Variants in TRIM24 observed in about 807,000 individuals in gnomAD.
TRIM24 encodes tripartite motif containing 24.
TRIM24 carries 29 observed loss-of-function variants against 123.9 expected under a neutral mutation model. The observed-to-expected ratio is 0.23, with a 90% CI of 0.17 to 0.32. The LOEUF is 0.32. Ranked by LOEUF, TRIM24 falls within the 10% of genes least tolerant of loss-of-function variation. The pLI is 1.00. For synonymous variants in TRIM24, 456 were observed against 461.1 expected, an observed-to-expected ratio of 0.99 and a Z score of 0.14; for missense variants, 932 against 1,295.3, an observed-to-expected ratio of 0.72 and a Z score of 4.31.
chr7:138,526,145 T>C (rs574344333), intron 5 of TRIM24, among the ~76,000 whole-genome samples: 3 of 152,338 alleles, frequency 2.0e-5, no homozygotes, highest in Admixed American at 2.0e-4. Flanking sequence ...AAAAGAGACC[T>C]CACAGAGAAT....
chr7:138,567,334 C>T (rs1409553421), intron 9 of TRIM24, 147 bp from the exon 10 acceptor site: 3 of 681,422 alleles, frequency 4.4e-6, no homozygotes, highest in Non-Finnish European at 6.5e-6. Flanking sequence ...GCCCATCCCC[C>T]ACCCCTCATT....
rs1039615120 is a variant in TRIM24, at chr7:138,585,583, A to G, written c.*632A>G. The G allele has an allele frequency of 1.9e-5, 6 of 316,028 alleles. No individual in the cohort carries two copies. In the Admixed American group the frequency reaches 3.1e-4, roughly 17 times the overall value. 19.6% of individuals were successfully genotyped at this position (316,028 alleles called of 1,614,324 possible). A position where few individuals can be genotyped will look rare whatever the true frequency, so the allele number is the denominator to read the frequency against. On this transcript the variant is annotated 3_prime_UTR_variant, in exon 19 of 19. Transcript: ENST00000343526. ...AACTGTATTAAAGAAAAATCCGGAAAACAAATGTTTGATTTTTGTTTTTGT... is the reference window on the plus strand; with the variant it reads ...AACTGTATTAAAGAAAAATCCGGAAGACAAATGTTTGATTTTTGTTTTTGT...
At chr7:138,528,964 C>A in intron 5 of TRIM24, 152 bp from the exon 6 acceptor site, 1 of 377,418 alleles carries the variant, frequency 2.6e-6, no homozygotes, top group Non-Finnish European at 4.9e-6. Context: ...TTTCTGCTGT[C>A]TCATCTTCAA....
At chr7:138,464,676 A>G (rs1413471473) in intron 1 of TRIM24, among the ~76,000 whole-genome samples, 1 of 152,164 alleles carries the variant, frequency 6.6e-6, no homozygotes, top group Non-Finnish European at 1.5e-5. Flanking sequence ...ACACACACAC[A>G]ATTAATTTAT....
intron 1 of TRIM24, among the ~76,000 whole-genome samples, chr7:138,464,500 C>A (rs755135899): frequency 5.1e-4 from 78 of 151,916 alleles, no homozygotes; most frequent in Admixed American, 1.4e-3. Context: ...GGGGCAGACT[C>A]TTCTTAGCTA....
chr7:138,472,974 C>G (rs989847881), intron 1 of TRIM24, among the ~76,000 whole-genome samples: 1 of 152,082 alleles, frequency 6.6e-6, no homozygotes, highest in Non-Finnish European at 1.5e-5. Flanking sequence ...CAATCCCTTA[C>G]GATGGTTAAT....
At chr7:138,487,068 G>C (rs1795663788) in intron 1 of TRIM24, among the ~76,000 whole-genome samples, 1 of 152,120 alleles carries the variant, frequency 6.6e-6, no homozygotes. Context: ...CTTGTAAGTT[G>C]GATTCCTAGG....
intron 1 of TRIM24, among the ~76,000 whole-genome samples, chr7:138,487,088 C>G (rs1469316046): frequency 1.3e-5 from 2 of 152,096 alleles, no homozygotes; most frequent in African/African-American, 4.8e-5. Context: ...GTATTTTATT[C>G]TCTTTGAAGC....
intron 8 of TRIM24, among the ~76,000 whole-genome samples, chr7:138,553,907 A>G (rs887236422): frequency 7.2e-5 from 11 of 152,162 alleles, no homozygotes; most frequent in Non-Finnish European, 1.5e-4. Context: ...TGAATGAGAC[A>G]CAGGGCTTAT....
chr7:138,553,402 C>G (rs983174276), intron 8 of TRIM24, among the ~76,000 whole-genome samples: 1 of 152,088 alleles, frequency 6.6e-6, no homozygotes, highest in Non-Finnish European at 1.5e-5. Context: ...ATTGTTTCTT[C>G]TAAACATACA....
chr7:138,464,224 C>T (rs927891091), intron 1 of TRIM24, among the ~76,000 whole-genome samples: 2 of 151,638 alleles, frequency 1.3e-5, no homozygotes, highest in Non-Finnish European at 2.9e-5. Flanking sequence ...TCTCGATCTC[C>T]TGACCTTGTG....
chr7:138,504,444 GCTCTTTTTTTTT>G, intron 2 of TRIM24, 36 bp downstream of exon 2: 18 of 623,868 alleles, frequency 2.9e-5, no homozygotes, highest in Admixed American at 1.4e-4. Context: ...TTGCCTGCCA[GCTCTTTTTTTTT>G]TTTTTTTTTT....
Position 138,554,851 on chromosome 7 carries a change from A to G in TRIM24, c.1415A>G (p.His472Arg). The G allele has an allele frequency of 6.2e-7, 1 of 1,614,190 alleles. No individual in the cohort carries two copies. Among genetic ancestry groups the G allele is most frequent in the Non-Finnish European group, 8.5e-7 (1 of 1,180,012 alleles). Reference protein sequence around the residue: ...QISLAQLRLQHMQQQVMAQRQ... With the variant: ...QISLAQLRLQRMQQQVMAQRQ... ...AGCCTAGCTCAATTACGGCTCCAGCATATGCAGCAACAGGTAATGGCTCAG... is the reference window on the plus strand; with the variant it reads ...AGCCTAGCTCAATTACGGCTCCAGCGTATGCAGCAACAGGTAATGGCTCAG... The change falls in exon 9 of 19, where the codon CAT (histidine) becomes CGT (arginine). Residue 472 changes from histidine (H) to arginine (R), a missense_variant. This residue lies in a region of TRIM24 where 527 missense variants were observed against 691.3 expected (regional missense o/e 0.76). Coordinates refer to ENST00000343526, the MANE Select transcript of TRIM24 (RefSeq NM_015905.3). This position sits in a 1 kb window ranked among gnomAD's most constrained non-coding sequence, Gnocchi z 4.5.
intron 6 of TRIM24, among the ~76,000 whole-genome samples, chr7:138,538,234 A>G (rs187949955): frequency 1.1e-3 from 168 of 152,344 alleles, no homozygotes; most frequent in South Asian, 2.3e-3. Flanking sequence ...TGCAATTCCA[A>G]CTGTTAAATA....
intron 6 of TRIM24, among the ~76,000 whole-genome samples, chr7:138,532,983 T>C (rs1796780863): frequency 6.6e-6 from 1 of 152,222 alleles, no homozygotes; most frequent in Non-Finnish European, 1.5e-5. Context: ...CAATTGTGAA[T>C]GGGAGTTCAC....
intron 5 of TRIM24, among the ~76,000 whole-genome samples, chr7:138,528,098 G>A (rs1393228562): frequency 6.6e-6 from 1 of 151,992 alleles, no homozygotes; most frequent in African/African-American, 2.4e-5. Context: ...ATGCGGCCTA[G>A]ATGGCTGTTA....
At chr7:138,508,692 T>TGTGTGTGTGTGTGTGCGCGCGCGC (rs1422176564) in intron 2 of TRIM24, among the ~76,000 whole-genome samples, 17 of 137,276 alleles carry the variant, frequency 1.2e-4, no homozygotes, top group African/African-American at 4.4e-4. Flanking sequence ...TGTGTGTGTG[T>TGTGTGTGTGTGTGTGCGCGCGCGC]GCGCGCGCGT....
Position 138,515,674 on chromosome 7 carries a change from G to A in TRIM24, c.631+315G>A, listed in dbSNP as rs183939708. ...TTTATCTCTAAGATAACAACAAAGA[G>A]TGGGCTTAAATATTTTATAACTCTT... On this transcript the variant is annotated intron_variant, in intron 3 of 18. Coordinates refer to ENST00000343526, the MANE Select transcript of TRIM24 (RefSeq NM_015905.3). Among the ~76,000 whole-genome samples, 126 of 152,260 alleles carry A rather than the reference G, an allele frequency of 8.3e-4. 1 individual carries two copies. Among genetic ancestry groups the A allele is most frequent in the Admixed American group, 1.4e-3 (21 of 15,292 alleles).
intron 11 of TRIM24, 148 bp downstream of exon 11, chr7:138,571,151 G>A: frequency 1.3e-6 from 1 of 765,266 alleles, no homozygotes. Flanking sequence ...CCAACATGGT[G>A]AAACCCCGTC....
Sources: gnomAD v4.1 joint callset for allele counts (sites outside exome capture counted in the v4.1 genomes callset) on GRCh38, gnomAD v4.1.1 for gene constraint, gnomAD v4.1.1 regional missense constraint, Gnocchi (gnomAD v3.1) non-coding constraint, MANE v1.5 for transcripts, NCBI Gene and HGNC (gene_info 2026-07-23, HGNC 2026-07-21) for gene names.